The following KCNC1 variants were observed in gnomAD, a reference collection of about 807,000 sequenced individuals.
KCNC1 encodes the protein potassium voltage-gated channel subfamily C member 1.
A neutral mutation model predicts 43.4 loss-of-function variants in KCNC1; 8 were observed. The ratio of observed to expected loss-of-function variants is 0.18; its 90% CI spans 0.11 to 0.33. The LOEUF is 0.33. Ranked by LOEUF, KCNC1 falls within the 10% of genes least tolerant of loss-of-function variation. The pLI is 1.00. For missense variants in KCNC1, 420 were observed against 836.0 expected (o/e 0.50, Z 6.14); for synonymous variants, 361 against 360.5 (o/e 1.00, Z -0.01).
In KCNC1 at chr11:17,776,262, C is replaced by A; in HGVS notation, c.1505-3194C>A. On this transcript the variant is annotated intron_variant, in intron 2 of 3. Coordinates refer to ENST00000265969, the MANE Select transcript of KCNC1 (RefSeq NM_001112741.2). The surrounding 1 kb of genome is among the most constrained non-coding windows in gnomAD (Gnocchi z 4.4). ...TTGTTGCATGACTTGTGCCGGTTCT[C>A]GTGATTGTTCCCTGCTCGTGTCTCA... The A allele has an allele frequency of 1.0e-6, 1 of 985,390 alleles. No homozygotes were observed. The allele number at this position is 985,390 out of a possible 1,614,324, so 61.0% of individuals were successfully genotyped here.
rs1848807916 is a variant in KCNC1, at chr11:17,739,279, T to A, written c.570+2707T>A. Among the ~76,000 whole-genome samples, 1 of 152,206 alleles carries A rather than the reference T, an allele frequency of 6.6e-6. No individual in the cohort carries two copies. The stretch of plus-strand genomic sequence containing the variant: ...ATGTGTGTGAAGGAAAGGCTGTATG[T>A]GTGAGACAGAGGCTCTTTGTAAGAG... On this transcript the variant is annotated intron_variant, in intron 1 of 3. Coordinates refer to ENST00000265969, the MANE Select transcript of KCNC1 (RefSeq NM_001112741.2). The surrounding 1 kb of genome is among the most constrained non-coding windows in gnomAD (Gnocchi z 4.2).
Position 17,773,845 on chromosome 11 carries a change from G to A in KCNC1, c.1504+1247G>A. On this transcript the variant is annotated intron_variant, in intron 2 of 3. Transcript: ENST00000265969. The surrounding 1 kb of genome is among the most constrained non-coding windows in gnomAD (Gnocchi z 4.1). ...AGGAGTGCCAGGTGAGCAGGAGGTT[G>A]ACGTGACAGGTGGCATTTAGTCTAT... 2.0e-6 allele frequency: 2 copies of A among 985,516 alleles called. No homozygotes were observed. Among genetic ancestry groups the A allele is most frequent in the Non-Finnish European group, 2.4e-6 (2 of 829,960 alleles). 61.0% of individuals were successfully genotyped at this position (985,516 alleles called of 1,614,324 possible).
At position 17,776,205 on chromosome 11, in the gene KCNC1, C is replaced by G. The variant is rs1849285493; in HGVS notation, c.1505-3251C>G. On this transcript the variant is annotated intron_variant, in intron 2 of 3. Coordinates refer to ENST00000265969, the MANE Select transcript of KCNC1 (RefSeq NM_001112741.2). This position sits in a 1 kb window ranked among gnomAD's most constrained non-coding sequence, Gnocchi z 4.4. ...ACATTTTCTCTCTTTCTCTCTCTCTCCACTAATCATGTTTCTCTCTCTCTC... is the reference window on the plus strand; with the variant it reads ...ACATTTTCTCTCTTTCTCTCTCTCTGCACTAATCATGTTTCTCTCTCTCTC... 1 of 985,286 alleles carries G rather than the reference C, an allele frequency of 1.0e-6. No homozygotes were observed. Among genetic ancestry groups the G allele is most frequent in the African/African-American group, 1.7e-5 (1 of 57,214 alleles). 61.0% of individuals were successfully genotyped at this position (985,286 alleles called of 1,614,324 possible). A position where few individuals can be genotyped will look rare whatever the true frequency, so the allele number is the denominator to read the frequency against.
chr11:17,751,825 TA>T (rs1848971949), intron 1 of KCNC1, among the ~76,000 whole-genome samples: 1 of 152,198 alleles, frequency 6.6e-6, no homozygotes, highest in Admixed American at 6.5e-5. Context: ...CTTTGAACCC[TA>T]GGCTGTGTGA....
At position 17,753,276 on chromosome 11, in the gene KCNC1, C is replaced by G. The variant is rs532405595; in HGVS notation, c.570+16704C>G. 2.6e-5 allele frequency among the ~76,000 whole-genome samples: 4 copies of G among 152,350 alleles called. No homozygotes were observed. The East Asian group carries it at 7.7e-4, about 29-fold the overall frequency. On this transcript the variant is annotated intron_variant, in intron 1 of 3. Coordinates refer to ENST00000265969, the MANE Select transcript of KCNC1 (RefSeq NM_001112741.2). ...CAGTGGCCGGAGCCCAAGGCTGCCA[C>G]CTTGAGCCATCCTAGCACAGTGGCC...
In KCNC1 at chr11:17,776,091, T is replaced by C; in HGVS notation, c.1505-3365T>C. The C allele has an allele frequency of 1.0e-6, 1 of 985,268 alleles. No homozygotes were observed. Among genetic ancestry groups the C allele is most frequent in the Non-Finnish European group, 1.2e-6 (1 of 829,906 alleles). 61.0% of individuals were successfully genotyped at this position (985,268 alleles called of 1,614,324 possible). ...AGCCTGTGGGCCCTGAGTGGGGTCTTTGTTGTCCTCAGGTGGGCTGTGGGG... is the reference window on the plus strand; with the variant it reads ...AGCCTGTGGGCCCTGAGTGGGGTCTCTGTTGTCCTCAGGTGGGCTGTGGGG... On this transcript the variant is annotated intron_variant, in intron 2 of 3. Transcript: ENST00000265969. The surrounding 1 kb of genome is among the most constrained non-coding windows in gnomAD (Gnocchi z 4.4).
intron 1 of KCNC1, among the ~76,000 whole-genome samples, chr11:17,764,598 C>A (rs543091195): frequency 2.7e-4 from 41 of 152,328 alleles, no homozygotes; most frequent in Admixed American, 1.8e-3. Context: ...CTCACACACA[C>A]TCTGCTCACA....
In KCNC1 at chr11:17,771,602, G is replaced by A; in HGVS notation, c.571-63G>A. On this transcript the variant is annotated intron_variant, in intron 1 of 3. Transcript: ENST00000265969. This position sits in a 1 kb window ranked among gnomAD's most constrained non-coding sequence, Gnocchi z 4.7. ...CCGCCTGGCCCTGGGACTGGACAGA[G>A]GCAACCCAGGCTTCTCCACTCTGGG... 6.8e-7 allele frequency: 1 copy of A among 1,472,336 alleles called. No homozygotes were observed. Among genetic ancestry groups the A allele is most frequent in the Non-Finnish European group, 9.3e-7 (1 of 1,077,012 alleles). The allele number at this position is 1,472,336 out of a possible 1,614,324, so 91.2% of individuals were successfully genotyped here. A position where few individuals can be genotyped will look rare whatever the true frequency, so the allele number is the denominator to read the frequency against.
Position 17,773,569 on chromosome 11 carries a change from G to C in KCNC1, c.1504+971G>C. On this transcript the variant is annotated intron_variant, in intron 2 of 3. Coordinates refer to ENST00000265969, the MANE Select transcript of KCNC1 (RefSeq NM_001112741.2). The surrounding 1 kb of genome is among the most constrained non-coding windows in gnomAD (Gnocchi z 4.1). ...GAATTCACTGGGGGCCGGGAGGGGG[G>C]AGGGGGGCATGAAACAATACTAGTC... 1.0e-6 allele frequency: 1 copy of C among 984,154 alleles called. No individual in the cohort carries two copies. Among genetic ancestry groups the C allele is most frequent in the Non-Finnish European group, 1.2e-6 (1 of 829,168 alleles). The allele number at this position is 984,154 out of a possible 1,614,324, so 61.0% of individuals were successfully genotyped here.
chr11:17,755,336 G>A (rs1019576427), intron 1 of KCNC1, among the ~76,000 whole-genome samples: 3 of 152,186 alleles, frequency 2.0e-5, no homozygotes, highest in African/African-American at 7.2e-5. Flanking sequence ...GGGCGCCAGT[G>A]CAGGATTCTG....
Position 17,779,550 on chromosome 11 carries a change from C to T in KCNC1, c.1599C>T (p.Pro533=). The T allele has an allele frequency of 1.9e-6, 3 of 1,551,604 alleles. No individual in the cohort carries two copies. Among genetic ancestry groups the T allele is most frequent in the Non-Finnish European group, 2.6e-6 (3 of 1,146,978 alleles). Residue 533 remains proline, a synonymous_variant, in exon 3 of 4, where the codon CCC becomes CCT. Coordinates refer to ENST00000265969, the MANE Select transcript of KCNC1 (RefSeq NM_001112741.2). This position sits in a 1 kb window ranked among gnomAD's most constrained non-coding sequence, Gnocchi z 7.2. Reference sequence around the variant, plus strand: ...CCCTCACTCCCGATGAGGGCCTGCCCTTTACGCGCTCGGGCACCCGCGAGA... The same window carrying T: ...CCCTCACTCCCGATGAGGGCCTGCCTTTTACGCGCTCGGGCACCCGCGAGA... The part of the protein sequence containing the change: ...DQALTPDEGL[P]FTRSGTRERY...
chr11:17,778,379 C>T (rs1404321334), intron 2 of KCNC1, among the ~76,000 whole-genome samples: 2 of 152,236 alleles, frequency 1.3e-5, no homozygotes, highest in African/African-American at 4.8e-5. Flanking sequence ...TTCCCCCACC[C>T]AAGTCCATCA....
intron 1 of KCNC1, among the ~76,000 whole-genome samples, chr11:17,761,846 G>A (rs1417687574): frequency 6.6e-6 from 1 of 152,082 alleles, no homozygotes; most frequent in African/African-American, 2.4e-5. Flanking sequence ...TGGGCTCTGC[G>A]CTTGGATCTC....
chr11:17,748,437 G>A (rs1848927374), intron 1 of KCNC1, among the ~76,000 whole-genome samples: 1 of 152,080 alleles, frequency 6.6e-6, no homozygotes, highest in Non-Finnish European at 1.5e-5. Flanking sequence ...GTACTCTGGG[G>A]ACTCCAAAGA....
chr11:17,764,101 A>C (rs1170967833), intron 1 of KCNC1, among the ~76,000 whole-genome samples: 1 of 106,674 alleles, frequency 9.4e-6, no homozygotes, highest in African/African-American at 3.7e-5. Context: ...ATAGCCCCCC[A>C]CACACCACCA....
chr11:17,750,161 TG>T (rs999117836), intron 1 of KCNC1, among the ~76,000 whole-genome samples: 1 of 152,136 alleles, frequency 6.6e-6, no homozygotes, highest in Non-Finnish European at 1.5e-5. Flanking sequence ...TCACAGGCTG[TG>T]GTGGGTCTCA....
intron 1 of KCNC1, among the ~76,000 whole-genome samples, chr11:17,738,014 G>A (rs1017143614): frequency 2.0e-5 from 3 of 152,056 alleles, no homozygotes; most frequent in African/African-American, 7.2e-5. Flanking sequence ...GGGCGGGCGG[G>A]GGGCAGGTAG....
rs532467759 is a variant in KCNC1, at chr11:17,747,951, A to G, written c.570+11379A>G. 3.3e-5 allele frequency among the ~76,000 whole-genome samples: 5 copies of G among 152,232 alleles called. No individual in the cohort carries two copies. In the South Asian group the frequency reaches 1.0e-3, roughly 32 times the overall value. ...ACACTCCCGCTTTGCACATAAACACAGTCCATGAGCCATTTCCCTGCCAGG... is the reference window on the plus strand; with the variant it reads ...ACACTCCCGCTTTGCACATAAACACGGTCCATGAGCCATTTCCCTGCCAGG... On this transcript the variant is annotated intron_variant, in intron 1 of 3. Coordinates refer to ENST00000265969, the MANE Select transcript of KCNC1 (RefSeq NM_001112741.2).
rs565170232 is a variant in KCNC1 at position 17,753,259 on chromosome 11, G to A, written c.570+16687G>A. Among the ~76,000 whole-genome samples the A allele has an allele frequency of 2.4e-4, 36 of 152,326 alleles. No individual in the cohort carries two copies. In the South Asian group the frequency reaches 6.8e-3, roughly 29 times the overall value. On this transcript the variant is annotated intron_variant, in intron 1 of 3. Coordinates refer to ENST00000265969, the MANE Select transcript of KCNC1 (RefSeq NM_001112741.2). ...CCATGCCAGTCAGTAGTCAGTGGCCGGAGCCCAAGGCTGCCACCTTGAGCC... is the reference window on the plus strand; with the variant it reads ...CCATGCCAGTCAGTAGTCAGTGGCCAGAGCCCAAGGCTGCCACCTTGAGCC...
Sources: allele counts gnomAD v4.1 joint callset (sites outside exome capture counted in the v4.1 genomes callset), GRCh38; gene constraint gnomAD v4.1.1; non-coding constraint Gnocchi (gnomAD v3.1); transcripts MANE v1.5; gene names NCBI Gene and HGNC (gene_info 2026-07-23, HGNC 2026-07-21).